The following ZNF804B variants were observed in gnomAD, a reference collection of about 807,000 sequenced individuals.
The protein encoded by ZNF804B is zinc finger protein 804B.
ZNF804B carries 80 observed loss-of-function variants against 101.4 expected under a neutral mutation model. The ratio of observed to expected loss-of-function variants is 0.79; its 90% CI spans 0.66 to 0.95. The LOEUF is 0.95. Ranked by LOEUF, ZNF804B falls within the 40% of genes least tolerant of loss-of-function variation. The pLI is 0.00. For missense variants in ZNF804B, 1,673 were observed against 1,561.9 expected (o/e 1.07, Z -1.20); for synonymous variants, 622 against 558.8 (o/e 1.11, Z -1.59).
intron 1 of ZNF804B, among the ~76,000 whole-genome samples, chr7:88,854,414 C>CCTTCCTTCCTTTCTTCCTTTCTTT (rs1232481883): frequency 3.5e-5 from 2 of 57,114 alleles, no homozygotes; most frequent in African/African-American, 1.3e-4. Flanking sequence ...TTTCTTTCTT[C>CCTTCCTTCCTTTCTTCCTTTCTTT]CTTTCTTTCT....
intron 1 of ZNF804B, among the ~76,000 whole-genome samples, chr7:88,776,397 C>T (rs952263852): frequency 5.9e-5 from 9 of 152,082 alleles, no homozygotes; most frequent in Non-Finnish European, 1.2e-4. Flanking sequence ...GGCATGAGGG[C>T]CAGTTAGCAT....
intron 1 of ZNF804B, among the ~76,000 whole-genome samples, chr7:88,765,816 T>G (rs1358256906): frequency 6.6e-6 from 1 of 152,162 alleles, no homozygotes; most frequent in South Asian, 2.1e-4. Flanking sequence ...ATATTTGATA[T>G]GTTTTCAAGA....
intron 2 of ZNF804B, among the ~76,000 whole-genome samples, chr7:89,267,700 A>G (rs1789822649): frequency 6.6e-6 from 1 of 152,168 alleles, no homozygotes; most frequent in Non-Finnish European, 1.5e-5. Flanking sequence ...GGAAGGAGTC[A>G]TTTTCTAATA....
chr7:89,014,039 A>AT (rs1788502423), intron 1 of ZNF804B, among the ~76,000 whole-genome samples: 1 of 152,084 alleles, frequency 6.6e-6, no homozygotes, highest in African/African-American at 2.4e-5. Flanking sequence ...TGTCTTTGAT[A>AT]TTTTTATTGC....
At chr7:88,997,980 C>T (rs1293943992) in intron 1 of ZNF804B, among the ~76,000 whole-genome samples, 1 of 152,004 alleles carries the variant, frequency 6.6e-6, no homozygotes, top group African/African-American at 2.4e-5. Context: ...CAGATCTTAG[C>T]ACTCTTATTA....
At position 88,933,832 on chromosome 7, in the gene ZNF804B, A is replaced by G. The variant is rs573782549; in HGVS notation, c.108+173748A>G. ...GAATCAATATTGTGAAAATGACCATACTGCCAAAATCAACCTACAAATAAA... is the reference window on the plus strand; with the variant it reads ...GAATCAATATTGTGAAAATGACCATGCTGCCAAAATCAACCTACAAATAAA... On this transcript the variant is annotated intron_variant, in intron 1 of 3. Coordinates refer to ENST00000333190, the MANE Select transcript of ZNF804B (RefSeq NM_181646.5). 1.3e-3 allele frequency among the ~76,000 whole-genome samples: 194 copies of G among 152,122 alleles called. 1 individual carries two copies. Among genetic ancestry groups the G allele is most frequent in the South Asian group, 9.3e-3 (45 of 4,818 alleles).
intron 3 of ZNF804B, 116 bp from the exon 4 acceptor site, chr7:89,333,247 A>G (rs1027122948): frequency 4.0e-6 from 4 of 1,006,026 alleles, no homozygotes; most frequent in Middle Eastern, 2.3e-4. Flanking sequence ...ATGTTTTAGA[A>G]GATGTAGCTC....
chr7:89,232,002 G>T (rs919583562), intron 2 of ZNF804B, among the ~76,000 whole-genome samples: 1 of 152,090 alleles, frequency 6.6e-6, no homozygotes, highest in Non-Finnish European at 1.5e-5. Flanking sequence ...GTTCTGAATC[G>T]TAGGTAGAGA....
In ZNF804B at chr7:88,799,644, G is replaced by A. The variant is rs114241403; in HGVS notation, c.108+39560G>A. On this transcript the variant is annotated intron_variant, in intron 1 of 3. Transcript: ENST00000333190. The stretch of plus-strand genomic sequence containing the variant: ...ACTCATTTGTCTCAGATTTATTGAC[G>A]CCTTTGGTGTGCCAGGTGATATCAT... Among the ~76,000 whole-genome samples, 1,049 of 152,076 alleles carry A rather than the reference G, an allele frequency of 6.9e-3. 15 individuals are homozygous for A. The highest frequency in any genetic ancestry group is 0.023 in the African/African-American group (974 of 41,514).
At position 89,014,607 on chromosome 7, in the gene ZNF804B, C is replaced by T. The variant is rs186542519; in HGVS notation, c.109-203548C>T. Among the ~76,000 whole-genome samples, 646 of 152,288 alleles carry T rather than the reference C, an allele frequency of 4.2e-3. 3 individuals are homozygous for T. Among genetic ancestry groups the T allele is most frequent in the South Asian group, 0.017 (80 of 4,822 alleles). On this transcript the variant is annotated intron_variant, in intron 1 of 3. Coordinates refer to ENST00000333190, the MANE Select transcript of ZNF804B (RefSeq NM_181646.5). ...CTGGGATTACAGGTGTGAGCCACCG[C>T]GCCCAGCGATTGAACTTTTGAAAAA...
chr7:89,185,974 A>G (rs142493214), intron 1 of ZNF804B, among the ~76,000 whole-genome samples: 287 of 152,240 alleles, frequency 1.9e-3, no homozygotes, highest in Non-Finnish European at 3.0e-3. Flanking sequence ...ATGTAGAATA[A>G]TACGTTCTTA....
chr7:88,958,453 T>C (rs369293365), intron 1 of ZNF804B, among the ~76,000 whole-genome samples: 1 of 151,564 alleles, frequency 6.6e-6, no homozygotes, highest in South Asian at 2.1e-4. Context: ...AATTTTGACT[T>C]GTGGCAAGTA....
chr7:89,149,020 T>C (rs1330683075), intron 1 of ZNF804B, among the ~76,000 whole-genome samples: 2 of 152,064 alleles, frequency 1.3e-5, no homozygotes, highest in East Asian at 3.9e-4. Flanking sequence ...TTAGGCTGAT[T>C]TTTTGCTTTT....
chr7:89,333,352 T>C lies in ZNF804B; in HGVS notation c.381-11T>C, dbSNP rs202092746. 3.2e-6 allele frequency: 5 copies of C among 1,551,080 alleles called. 1 individual carries two copies. The Middle Eastern group carries it at 6.9e-4, about 216-fold the overall frequency. On this transcript the variant is annotated splice_polypyrimidine_tract_variant and intron_variant, in intron 3 of 3. Coordinates refer to ENST00000333190, the MANE Select transcript of ZNF804B (RefSeq NM_181646.5). ...ATCTCTTAATCATTTAAATATTTAT[T>C]GTATTTACAGTGTTTCTGGAAATGG...
intron 2 of ZNF804B, among the ~76,000 whole-genome samples, chr7:89,311,731 C>CACTTACTCA (rs1461776424): frequency 6.6e-6 from 1 of 152,116 alleles, no homozygotes; most frequent in Non-Finnish European, 1.5e-5. Flanking sequence ...AGCAATTATC[C>CACTTACTCA]ACTTACTCAT....
chr7:89,144,319 T>C (rs1790758941), intron 1 of ZNF804B, among the ~76,000 whole-genome samples: 1 of 152,080 alleles, frequency 6.6e-6, no homozygotes, highest in Non-Finnish European at 1.5e-5. Flanking sequence ...ATATGCATTA[T>C]TTTATTTTAA....
intron 2 of ZNF804B, among the ~76,000 whole-genome samples, chr7:89,280,903 T>C (rs564092161): frequency 2.0e-5 from 3 of 152,240 alleles, no homozygotes; most frequent in Non-Finnish European, 4.4e-5. Context: ...TAACTCATTT[T>C]ATAAAGGAGT....
At chr7:89,240,038 ATAAT>A (rs1482709057) in intron 2 of ZNF804B, among the ~76,000 whole-genome samples, 1 of 151,692 alleles carries the variant, frequency 6.6e-6, no homozygotes, top group Non-Finnish European at 1.5e-5. Context: ...TTAGGATAAA[ATAAT>A]AATTAATTAA....
rs113702380 is a variant in ZNF804B at position 89,328,505 on chromosome 7, C to A, written c.380+1031C>A. 1.5e-3 allele frequency among the ~76,000 whole-genome samples: 227 copies of A among 151,884 alleles called. 1 individual carries two copies. Among genetic ancestry groups the A allele is most frequent in the Middle Eastern group, 3.4e-3 (1 of 294 alleles). ...AATACAAAAATGCATGCTCTGGGGT[C>A]TTATACAACTCTAGAAGCAACGCAT... is the stretch of plus-strand genomic sequence containing the variant. On this transcript the variant is annotated intron_variant, in intron 3 of 3. Coordinates refer to ENST00000333190, the MANE Select transcript of ZNF804B (RefSeq NM_181646.5).
Sources: gnomAD v4.1 joint callset for allele counts (sites outside exome capture counted in the v4.1 genomes callset) on GRCh38, gnomAD v4.1.1 for gene constraint, MANE v1.5 for transcripts, NCBI Gene and HGNC (gene_info 2026-07-23, HGNC 2026-07-21) for gene names.